Variants in NBPF11 observed in about 807,000 individuals in gnomAD.
The protein encoded by NBPF11 is NBPF family member NBPF11.
NBPF11 carries 72 observed loss-of-function variants against 93.9 expected under a neutral mutation model. The ratio of observed to expected loss-of-function variants is 0.77; its 90% CI spans 0.63 to 0.93. The LOEUF (loss-of-function observed/expected upper bound fraction) is 0.93. Among genes scored for constraint, NBPF11 ranks in the 40% least tolerant of loss-of-function variants. NBPF11 has a pLI of 0.00. For missense variants in NBPF11, 705 were observed against 802.2 expected (o/e 0.88, Z 1.46); for synonymous variants, 224 against 304.9 (o/e 0.73, Z 2.76).
chr1:148,124,982 G>T lies in NBPF11; in HGVS notation c.195C>A (p.Asp65Glu). Reference protein sequence around the residue: ...QKKYKYEECKDLIKFMLRNER... With the variant: ...QKKYKYEECKELIKFMLRNER... ...CATTCCTCAGCATAAATTTTATGAGGTCTTTACACTCTTCATACTCTGAGA... is the reference window on the plus strand; with the variant it reads ...CATTCCTCAGCATAAATTTTATGAGTTCTTTACACTCTTCATACTCTGAGA... Residue 65 changes from aspartate (D) to glutamate (E), a missense_variant, in exon 6 of 24, where the codon GAC becomes GAA. Physicochemically the swap from Asp to Glu is conservative, Grantham distance 45. Around this residue, in one of 12 missense-constraint regions of NBPF11, gnomAD observed 128 missense variants for 112.8 expected, o/e 1.14. Coordinates refer to ENST00000682118, the MANE Select transcript of NBPF11 (RefSeq NM_001385469.3). 6.3e-7 allele frequency: 1 copy of T among 1,596,728 alleles called. No individual in the cohort carries two copies. Among genetic ancestry groups the T allele is most frequent in the Non-Finnish European group, 8.6e-7 (1 of 1,168,434 alleles).
Position 148,124,978 on chromosome 1 carries a change from T to C in NBPF11, c.199A>G (p.Ile67Val), listed in dbSNP as rs781908475. ...KYKYEECKDL[I>V]KFMLRNERQF... is the part of the protein sequence containing the mutation. ...CGCTCATTCCTCAGCATAAATTTTA[T>C]GAGGTCTTTACACTCTTCATACTCT... Residue 67 changes from isoleucine (I) to valine (V), a missense_variant, in exon 6 of 24, where the codon ATA becomes GTA. This residue lies in a region of NBPF11 where 128 missense variants were observed against 112.8 expected (regional missense o/e 1.14). Coordinates refer to ENST00000682118, the MANE Select transcript of NBPF11 (RefSeq NM_001385469.3). The C allele has an allele frequency of 3.7e-6, 6 of 1,604,482 alleles. No individual in the cohort carries two copies. The highest frequency in any genetic ancestry group is 4.3e-6 in the Non-Finnish European group (5 of 1,175,270).
chr1:148,138,812 G>A (rs1571488480), intron 2 of NBPF11, among the ~76,000 whole-genome samples: 1 of 151,888 alleles, frequency 6.6e-6, no homozygotes, highest in Non-Finnish European at 1.5e-5. Flanking sequence ...CACAGTTCAG[G>A]TCAGGCCATG....
At position 148,108,487 on chromosome 1, in the gene NBPF11, A is replaced by C. The variant is rs1553267780; in HGVS notation, c.2021T>G (p.Met674Arg). Residue 674 changes from methionine (M) to arginine (R), a missense_variant, in exon 18 of 24, where the codon ATG (methionine) becomes AGG (arginine). Coordinates refer to ENST00000682118, the MANE Select transcript of NBPF11 (RefSeq NM_001385469.3). ...EQQRIGLAVD[M>R]DEIEKYQEVE... ...CTTCATAGAAAGGTACTCACCATCC[A>C]TGTCAACAGCCAAGCCAATACGCTG... is the stretch of plus-strand genomic sequence containing the variant. 2 of 1,559,290 alleles carry C rather than the reference A, an allele frequency of 1.3e-6. No individual in the cohort carries two copies. Among genetic ancestry groups the C allele is most frequent in the South Asian group, 1.1e-5 (1 of 90,024 alleles).
chr1:148,146,736 C>A (rs1673174387), intron 1 of NBPF11: 1 of 1,612,510 alleles, frequency 6.2e-7, no homozygotes. Context: ...GGTACACGGT[C>A]CTCTTCTCGC....
chr1:148,104,001 G>C, intron 23 of NBPF11, 89 bp from the exon 24 acceptor site: 1 of 1,608,326 alleles, frequency 6.2e-7, no homozygotes, highest in Non-Finnish European at 8.5e-7. Flanking sequence ...ATAAGGAAGT[G>C]GTTGGAAAAG....
intron 1 of NBPF11, among the ~76,000 whole-genome samples, chr1:148,145,795 C>T (rs1672900962): frequency 6.6e-6 from 1 of 150,908 alleles, no homozygotes; most frequent in Non-Finnish European, 1.5e-5. Context: ...AGGAGCATCA[C>T]CTGAGCCTTG....
In NBPF11 at chr1:148,120,630, T is replaced by C. The variant is rs1378565034; in HGVS notation, c.859A>G (p.Asn287Asp). Residue 287 changes from asparagine to aspartate, a missense_variant, in exon 10 of 24, where the codon AAC becomes GAC. By Grantham distance (23) the Asn-to-Asp change is conservative. This residue lies in a region of NBPF11 where 262 missense variants were observed against 223.1 expected (regional missense o/e 1.17). Coordinates refer to ENST00000682118, the MANE Select transcript of NBPF11 (RefSeq NM_001385469.3). ...AATTTCTCATTGATTTCTAGAATGT[T>C]CATCTCTGCCTTCTCGCTGGACAAA... Reference protein sequence around the residue: ...GPLSSEKAEMNILEINEKLCP... With the variant: ...GPLSSEKAEMDILEINEKLCP... 1 of 1,540,052 alleles carries C rather than the reference T, an allele frequency of 6.5e-7. No individual in the cohort carries two copies. Among genetic ancestry groups the C allele is most frequent in the Admixed American group, 1.7e-5 (1 of 59,900 alleles).
intron 2 of NBPF11, among the ~76,000 whole-genome samples, chr1:148,140,203 G>T (rs1372047398): frequency 6.6e-6 from 1 of 151,982 alleles, no homozygotes; most frequent in Non-Finnish European, 1.5e-5. Context: ...CCAACTAGTG[G>T]TGCTAGAACA....
chr1:148,119,584 C>A (rs1228935326), intron 10 of NBPF11, among the ~76,000 whole-genome samples: 1 of 151,806 alleles, frequency 6.6e-6, no homozygotes, highest in African/African-American at 2.4e-5. Context: ...TCTTTAGGAA[C>A]AAGACTCTGT....
chr1:148,125,296 G>T (rs1238485584), intron 5 of NBPF11, among the ~76,000 whole-genome samples: 1 of 151,936 alleles, frequency 6.6e-6, no homozygotes, highest in East Asian at 1.9e-4. Context: ...GACTCTGAAT[G>T]CGGGGCCACT....
At chr1:148,117,177 C>T (rs1292201637) in intron 12 of NBPF11, among the ~76,000 whole-genome samples, 1 of 151,690 alleles carries the variant, frequency 6.6e-6, no homozygotes, top group Non-Finnish European at 1.5e-5. Context: ...GAGAGAGAAA[C>T]TCAGGAAGGA....
At chr1:148,146,775 G>C in intron 1 of NBPF11, 17 of 1,613,284 alleles carry the variant, frequency 1.1e-5, no homozygotes, top group Non-Finnish European at 1.4e-5. Context: ...TGGGCCAGAT[G>C]AGCAGCTTCT....
Position 148,103,601 on chromosome 1 carries a change from A to C in NBPF11, c.*295T>G. 1.2e-6 allele frequency: 2 copies of C among 1,609,600 alleles called. No individual in the cohort carries two copies. Among genetic ancestry groups the C allele is most frequent in the African/African-American group, 1.3e-5 (1 of 74,792 alleles). ...GGCTTCCAAATGGAACTATAGTTTC[A>C]TTCAAATCTTCAGGTGCCTATAGGT... On this transcript the variant is annotated 3_prime_UTR_variant, in exon 24 of 24. Transcript: ENST00000682118.
chr1:148,124,644 G>T (rs1379474766), intron 6 of NBPF11, among the ~76,000 whole-genome samples: 3 of 151,712 alleles, frequency 2.0e-5, no homozygotes, highest in Non-Finnish European at 2.9e-5. Context: ...CTCCTTTGGT[G>T]AATTTTGTGT....
chr1:148,145,966 A>C (rs1672937821), intron 1 of NBPF11, among the ~76,000 whole-genome samples: 3 of 152,080 alleles, frequency 2.0e-5, no homozygotes, highest in Admixed American at 2.0e-4. Flanking sequence ...AAAAAAGAGA[A>C]ATGCAATCCA....
rs1199527789 is a variant in NBPF11, at chr1:148,143,567, A to G, written c.-429T>C. On this transcript the variant is annotated 5_prime_UTR_variant, in exon 2 of 24. Coordinates refer to ENST00000682118, the MANE Select transcript of NBPF11 (RefSeq NM_001385469.3). ...TGGCACCCCCAGTGTGGAGGCCAAGAGCACACAGCACTGAAGCTCCAGACA... is the reference window on the plus strand; with the variant it reads ...TGGCACCCCCAGTGTGGAGGCCAAGGGCACACAGCACTGAAGCTCCAGACA... 2.1e-5 allele frequency: 5 copies of G among 241,456 alleles called. No individual in the cohort carries two copies. The highest frequency in any genetic ancestry group is 1.7e-4 in the Admixed American group (3 of 17,260). 15.0% of individuals were successfully genotyped at this position (241,456 alleles called of 1,614,324 possible).
intron 19 of NBPF11, among the ~76,000 whole-genome samples, chr1:148,107,479 C>T (rs1474472958): frequency 6.6e-6 from 1 of 151,914 alleles, no homozygotes; most frequent in African/African-American, 2.4e-5. Context: ...AGATTCCATG[C>T]AGTTGCCATA....
chr1:148,124,032 T>G lies in NBPF11; in HGVS notation c.314A>C (p.Glu105Ala), dbSNP rs1422293044. 52 of 1,581,536 alleles carry G rather than the reference T, an allele frequency of 3.3e-5. No homozygotes were observed. In the Middle Eastern group the frequency reaches 1.1e-3, roughly 35 times the overall value. The part of the protein sequence containing the change: ...YKVLVHSQER[E>A]LTQLREKLRE... ...TAACTTCTCCCTTAACTGGGTCAGC[T>G]CTCGTTCCTGAGAGTGAACCAGGAC... The change falls in exon 7 of 24, where the codon GAG becomes GCG. Residue 105 changes from glutamate (E) to alanine (A), a missense_variant. Glu to Ala is a moderately radical substitution (Grantham distance 107). This residue lies in a region of NBPF11 where 128 missense variants were observed against 112.8 expected (regional missense o/e 1.14). Transcript: ENST00000682118.
chr1:148,119,949 C>T (rs1190829292), intron 10 of NBPF11, among the ~76,000 whole-genome samples: 85 of 127,224 alleles, frequency 6.7e-4, no homozygotes, highest in African/African-American at 2.0e-3. Context: ...CCACCATGCA[C>T]GGCCCCTACT....
Sources: allele counts gnomAD v4.1 joint callset (sites outside exome capture counted in the v4.1 genomes callset), GRCh38; gene constraint gnomAD v4.1.1; regional missense constraint gnomAD v4.1.1; transcripts MANE v1.5; gene names NCBI Gene and HGNC (gene_info 2026-07-23, HGNC 2026-07-21).